Variants in KIF26B observed in about 807,000 individuals in gnomAD.
KIF26B encodes kinesin family member 26B.
In KIF26B, 63 loss-of-function variants were observed where a neutral mutation model predicts 151.2. The observed-to-expected ratio is 0.42, with a 90% CI of 0.34 to 0.51. The LOEUF is 0.51. Ranked by LOEUF, KIF26B falls within the 20% of genes least tolerant of loss-of-function variation. KIF26B has a pLI of 0.07. For synonymous variants in KIF26B, 1,357 were observed against 1,262.1 expected, an observed-to-expected ratio of 1.08 and a Z score of -1.59; for missense variants, 2,813 against 2,913.6, an observed-to-expected ratio of 0.97 and a Z score of 0.79.
rs184256808 is a variant in KIF26B at position 245,392,949 on chromosome 1, T to A, written c.999+25582T>A. Among the ~76,000 whole-genome samples, 233 of 152,256 alleles carry A rather than the reference T, an allele frequency of 1.5e-3. 1 individual carries two copies. The highest frequency in any genetic ancestry group is 5.4e-3 in the African/African-American group (226 of 41,534). On this transcript the variant is annotated intron_variant, in intron 3 of 14. Transcript: ENST00000407071. ...ACATTGGGAGGTCATAGTGGGTGGA[T>A]CACCTGAGGTCAGGAGTTCGGGACC...
rs192546953 is a variant in KIF26B, at chr1:245,591,779, C to A, written c.1351-10798C>A. 2.2e-3 allele frequency among the ~76,000 whole-genome samples: 339 copies of A among 152,294 alleles called. 1 individual carries two copies. Among genetic ancestry groups the A allele is most frequent in the Admixed American group, 0.016 (251 of 15,296 alleles). On this transcript the variant is annotated intron_variant, in intron 5 of 14. Coordinates refer to ENST00000407071, the MANE Select transcript of KIF26B (RefSeq NM_018012.4). Reference sequence around the variant, plus strand: ...ATGAGGCCCCTTCTAACTAGGCCACCGTCAGAGTCCCAATCCTTTCTGACA... The same window carrying A: ...ATGAGGCCCCTTCTAACTAGGCCACAGTCAGAGTCCCAATCCTTTCTGACA...
intron 3 of KIF26B, chr1:245,371,412 T>C: frequency 6.6e-6 from 1 of 152,324 alleles, no homozygotes; most frequent in East Asian, 1.9e-4. Flanking sequence ...CCCACTTCCC[T>C]CCCCACAGAG....
intron 2 of KIF26B, among the ~76,000 whole-genome samples, chr1:245,317,359 G>A (rs543121606): frequency 3.7e-4 from 56 of 152,222 alleles, no homozygotes; most frequent in African/African-American, 1.2e-3. Flanking sequence ...GAGCTTTCAC[G>A]GGGTTGTTGC....
chr1:245,537,236 T>C (rs1049719820), intron 4 of KIF26B, among the ~76,000 whole-genome samples: 8 of 152,104 alleles, frequency 5.3e-5, no homozygotes, highest in Non-Finnish European at 1.2e-4. Context: ...CAAGAGCCTG[T>C]GCAAAGGCCC....
At chr1:245,525,332 A>G (rs1054673609) in intron 4 of KIF26B, among the ~76,000 whole-genome samples, 2 of 152,208 alleles carry the variant, frequency 1.3e-5, no homozygotes, top group Non-Finnish European at 2.9e-5. Context: ...TCAGTCACGT[A>G]TTAGGAGTCA....
intron 5 of KIF26B, among the ~76,000 whole-genome samples, chr1:245,581,964 A>AAGGAAGGAAGGAAGGAAG (rs61645005): frequency 0.034 from 2,036 of 60,640 alleles, 69 homozygotes; most frequent in African/African-American, 0.11. Flanking sequence ...AAGGAAGGAA[A>AAGGAAGGAAGGAAGGAAG]TAAATAAGCA....
At chr1:245,162,992 A>G (rs964618641) in intron 2 of KIF26B, among the ~76,000 whole-genome samples, 45 of 152,356 alleles carry the variant, frequency 3.0e-4, no homozygotes, top group African/African-American at 9.4e-4. Flanking sequence ...ATCAAATTTC[A>G]TCTTTCTCTA....
At position 245,366,265 on chromosome 1, in the gene KIF26B, G is replaced by A. The variant is rs1174313178; in HGVS notation, c.466-569G>A. 2.0e-5 allele frequency among the ~76,000 whole-genome samples: 3 copies of A among 152,194 alleles called. No homozygotes were observed. The South Asian group carries it at 6.2e-4, about 32-fold the overall frequency. On this transcript the variant is annotated intron_variant, in intron 2 of 14. Transcript: ENST00000407071. ...AAGAATGTTCTTGCCAGGCATGGTG[G>A]CTCACGCCTGTAATCCCAGCACTTT...
At chr1:245,539,807 C>G (rs1661567406) in intron 4 of KIF26B, among the ~76,000 whole-genome samples, 1 of 152,152 alleles carries the variant, frequency 6.6e-6, no homozygotes, top group Admixed American at 6.5e-5. Context: ...CATGCACCAC[C>G]ACACCCGGCT....
intron 2 of KIF26B, among the ~76,000 whole-genome samples, chr1:245,303,324 G>GC (rs1671471840): frequency 6.8e-6 from 1 of 146,964 alleles, no homozygotes; most frequent in South Asian, 2.2e-4. Context: ...TCAGCCTCCC[G>GC]AGTAGCTGGG....
chr1:245,222,425 G>A (rs1015787637), intron 2 of KIF26B, among the ~76,000 whole-genome samples: 1 of 152,146 alleles, frequency 6.6e-6, no homozygotes, highest in African/African-American at 2.4e-5. Flanking sequence ...TGACTAGAGT[G>A]AGACTCCATC....
chr1:245,594,375 T>G (rs6676757), intron 5 of KIF26B, among the ~76,000 whole-genome samples: 2 of 152,040 alleles, frequency 1.3e-5, no homozygotes, highest in South Asian at 4.1e-4. Flanking sequence ...CCGGTTTCAG[T>G]TTTCTGCATA....
rs187414455 is a variant in KIF26B at position 245,160,997 on chromosome 1, A to C, written c.465+4314A>C. Among the ~76,000 whole-genome samples the C allele has an allele frequency of 4.6e-3, 702 of 152,338 alleles. 5 individuals are homozygous for C. The highest frequency in any genetic ancestry group is 7.1e-3 in the Non-Finnish European group (485 of 68,026). On this transcript the variant is annotated intron_variant, in intron 2 of 14. Coordinates refer to ENST00000407071, the MANE Select transcript of KIF26B (RefSeq NM_018012.4). ...ATAAAACATTTTATAGATAGGATAA[A>C]ACAGACATTGCATTTCGAGTACTTA...
At chr1:245,685,307 T>C in intron 11 of KIF26B, 98 bp from the exon 12 acceptor site, 1 of 1,033,390 alleles carries the variant, frequency 9.7e-7, no homozygotes, top group Non-Finnish European at 1.4e-6. Context: ...GTCAGTAGCC[T>C]GTGTCGTCAG....
chr1:245,237,392 G>A (rs1670130004), intron 2 of KIF26B, among the ~76,000 whole-genome samples: 1 of 152,158 alleles, frequency 6.6e-6, no homozygotes, highest in African/African-American at 2.4e-5. Flanking sequence ...GTTGGCTCCT[G>A]GAAGCCATCT....
At position 245,156,575 on chromosome 1, in the gene KIF26B, CT is replaced by C; in HGVS notation, c.358del (p.Ser120ProfsTer25). 1.3e-6 allele frequency: 2 copies of C among 1,528,972 alleles called. No individual in the cohort carries two copies. The highest frequency in any genetic ancestry group is 1.7e-6 in the Non-Finnish European group (2 of 1,144,378). 94.7% of individuals were successfully genotyped at this position (1,528,972 alleles called of 1,614,324 possible). On this transcript the variant is annotated frameshift_variant, in exon 2 of 15. Coordinates refer to ENST00000407071, the MANE Select transcript of KIF26B (RefSeq NM_018012.4). LOFTEE classifies it high-confidence loss of function. ...CGGGCTCCGGCAGCGGCGGCGGCTC[CT>C]CCCCCGGCTCGGACCGCGGCGTCTG... is the stretch of plus-strand genomic sequence containing the variant. Reference protein sequence around the residue: ...SPGSGSGGGSSPGSDRGVWCE... With the variant: ...SPGSGSGGGSXPGSDRGVWCE...
intron 10 of KIF26B, among the ~76,000 whole-genome samples, chr1:245,682,969 G>A (rs1033806862): frequency 6.6e-6 from 1 of 152,116 alleles, no homozygotes; most frequent in African/African-American, 2.4e-5. Context: ...TGGTCATTTT[G>A]CTGGAAGGGA....
At chr1:245,335,835 GAAGGAGGAGTCCCACGAAGGGA>G (rs1416769914) in intron 2 of KIF26B, among the ~76,000 whole-genome samples, 1 of 144,516 alleles carries the variant, frequency 6.9e-6, no homozygotes, top group African/African-American at 2.6e-5. Flanking sequence ...CCCACGCGGA[GAAGGAGGAGTCCCACGAAGGGA>G]AAGGAGGGTC....
chr1:245,684,299 C>A lies in KIF26B; in HGVS notation c.2325C>A (p.Ile775=). Reference sequence around the variant, plus strand: ...ACATGAACTGCCGTACCACCATGATCGCGCACATCTCGGCCGCGGTCGGGA... The same window carrying A: ...ACATGAACTGCCGTACCACCATGATAGCGCACATCTCGGCCGCGGTCGGGA... ...LGNMNCRTTM[I]AHISAAVGSY... The change falls in exon 11 of 15, where the codon ATC becomes ATA. Residue 775 remains isoleucine, a synonymous_variant. Coordinates refer to ENST00000407071, the MANE Select transcript of KIF26B (RefSeq NM_018012.4). 6.2e-7 allele frequency: 1 copy of A among 1,613,982 alleles called. No individual in the cohort carries two copies. The highest frequency in any genetic ancestry group is 1.3e-5 in the African/African-American group (1 of 75,060).
Sources: allele counts gnomAD v4.1 joint callset (sites outside exome capture counted in the v4.1 genomes callset), GRCh38; gene constraint gnomAD v4.1.1; transcripts MANE v1.5; gene names NCBI Gene and HGNC (gene_info 2026-07-23, HGNC 2026-07-21).